Variants in PDZD2 observed in about 807,000 individuals in gnomAD.
PDZD2 encodes PDZ domain-containing protein 2.
A neutral mutation model predicts 220.7 loss-of-function variants in PDZD2; 90 were observed. The observed-to-expected ratio is 0.41, with a 90% CI of 0.34 to 0.49. The LOEUF is 0.49. Ranked by LOEUF, PDZD2 falls within the 20% of genes least tolerant of loss-of-function variation. The pLI is 0.28. For synonymous variants in PDZD2, 1,375 were observed against 1,450.5 expected (o/e 0.95, Z 1.18); for missense variants, 3,174 against 3,608.5 (o/e 0.88, Z 3.08).
chr5:31,983,214 T>G lies in PDZD2; in HGVS notation c.536T>G (p.Phe179Cys), dbSNP rs1345587102. Residue 179 changes from phenylalanine (F) to cysteine (C), a missense_variant, in exon 3 of 25, where the codon TTT becomes TGT. By Grantham distance (205) the Phe-to-Cys change is radical. Around this residue, in one of 4 missense-constraint regions of PDZD2, gnomAD observed 632 missense variants for 708.1 expected, o/e 0.89. Coordinates refer to ENST00000438447, the MANE Select transcript of PDZD2 (RefSeq NM_178140.4). ...ATCTACCTGATCATGCTGCGTCGCT[T>G]TAAGCACAAAGCCCACTCCACTTAT... ...GFIYLIMLRRFKHKAHSTYNG... is the reference protein window; with the variant it reads ...GFIYLIMLRRCKHKAHSTYNG... The G allele has an allele frequency of 6.2e-7, 1 of 1,614,148 alleles. No homozygotes were observed. Among genetic ancestry groups the G allele is most frequent in the Non-Finnish European group, 8.5e-7 (1 of 1,180,028 alleles).
At chr5:31,651,943 C>G in intron 1 of PDZD2, among the ~76,000 whole-genome samples, 1 of 151,482 alleles carries the variant, frequency 6.6e-6, no homozygotes, top group African/African-American at 2.4e-5. Flanking sequence ...TCTCAGCCTC[C>G]TGAATAGCTG....
intron 2 of PDZD2, among the ~76,000 whole-genome samples, chr5:31,850,034 ACAC>A (rs1345520599): frequency 0.033 from 4,060 of 124,244 alleles, 773 homozygotes; most frequent in African/African-American, 0.056. Context: ...ACTCATATAT[ACAC>A]GTATATATAT....
intron 19 of PDZD2, among the ~76,000 whole-genome samples, chr5:32,085,834 T>G (rs1418988557): frequency 6.6e-6 from 1 of 151,072 alleles, no homozygotes; most frequent in African/African-American, 2.4e-5. Context: ...CCTTTGTGGT[T>G]CCATGCACAT....
intron 1 of PDZD2, among the ~76,000 whole-genome samples, chr5:31,707,784 G>A (rs1747898382): frequency 6.6e-6 from 1 of 152,082 alleles, no homozygotes. Flanking sequence ...CCACCACCAT[G>A]ACCAGGTAAT....
Position 32,010,537 on chromosome 5 carries a change from T to C in PDZD2, c.1407+55T>C, listed in dbSNP as rs977782647. 7.5e-6 allele frequency: 10 copies of C among 1,327,848 alleles called. No individual in the cohort carries two copies. The African/African-American group carries it at 1.3e-4, about 17-fold the overall frequency. The allele number at this position is 1,327,848 out of a possible 1,614,324, so 82.3% of individuals were successfully genotyped here. A position where few individuals can be genotyped will look rare whatever the true frequency, so the allele number is the denominator to read the frequency against. On this transcript the variant is annotated intron_variant, in intron 6 of 24. Coordinates refer to ENST00000438447, the MANE Select transcript of PDZD2 (RefSeq NM_178140.4). Reference sequence around the variant, plus strand: ...TTGGAATTACTTTTTTCTGAAGTCCTGGGCGCCAGGATTAGGGGATAAATG... The same window carrying C: ...TTGGAATTACTTTTTTCTGAAGTCCCGGGCGCCAGGATTAGGGGATAAATG...
intron 3 of PDZD2, among the ~76,000 whole-genome samples, chr5:31,985,529 C>T (rs557586767): frequency 6.6e-5 from 10 of 151,990 alleles, no homozygotes; most frequent in African/African-American, 2.4e-4. Flanking sequence ...ACCAAAAATA[C>T]TAAAAATACA....
chr5:31,905,995 G>A (rs541803747), intron 2 of PDZD2, among the ~76,000 whole-genome samples: 1 of 150,592 alleles, frequency 6.6e-6, no homozygotes, highest in Non-Finnish European at 1.5e-5. Context: ...GTGAAATTGA[G>A]GTTATTTTAT....
intron 1 of PDZD2, among the ~76,000 whole-genome samples, chr5:31,738,116 A>G (rs1014708029): frequency 6.6e-6 from 1 of 152,202 alleles, no homozygotes; most frequent in Non-Finnish European, 1.5e-5. Context: ...GATCATGGGA[A>G]TTTTTCCCAG....
chr5:31,961,608 A>G (rs1234709473), intron 2 of PDZD2, among the ~76,000 whole-genome samples: 1 of 152,120 alleles, frequency 6.6e-6, no homozygotes, highest in Non-Finnish European at 1.5e-5. Context: ...AAGGAAGCTC[A>G]CTTTTCTTAT....
intron 1 of PDZD2, among the ~76,000 whole-genome samples, chr5:31,689,351 A>ATTTTTTTTTTCT (rs1288275783): frequency 0.025 from 697 of 28,114 alleles, 16 homozygotes; most frequent in Non-Finnish European, 0.03. Flanking sequence ...ATATATATAT[A>ATTTTTTTTTTCT]TATTTTTTTT....
intron 2 of PDZD2, among the ~76,000 whole-genome samples, chr5:31,869,932 C>A (rs958115691): frequency 6.6e-6 from 1 of 152,080 alleles, no homozygotes; most frequent in East Asian, 1.9e-4. Flanking sequence ...TGCTCAGGAG[C>A]CTCTCCGGCG....
chr5:31,812,810 G>T (rs946570015), intron 2 of PDZD2, among the ~76,000 whole-genome samples: 4 of 152,052 alleles, frequency 2.6e-5, no homozygotes, highest in African/African-American at 9.7e-5. Flanking sequence ...CAAATTCTTG[G>T]CCTCAAGGGA....
intron 2 of PDZD2, among the ~76,000 whole-genome samples, chr5:31,962,311 A>C (rs1274539613): frequency 6.6e-6 from 1 of 152,128 alleles, no homozygotes; most frequent in Non-Finnish European, 1.5e-5. Flanking sequence ...CTCAAACCCA[A>C]AGTACCTGGA....
chr5:31,946,071 C>T (rs556220557), intron 2 of PDZD2, among the ~76,000 whole-genome samples: 1 of 152,294 alleles, frequency 6.6e-6, no homozygotes, highest in African/African-American at 2.4e-5. Context: ...GGCACGATCC[C>T]GGCGCACTGC....
At chr5:31,984,760 G>A (rs544142928) in intron 3 of PDZD2, among the ~76,000 whole-genome samples, 6 of 152,220 alleles carry the variant, frequency 3.9e-5, no homozygotes, top group African/African-American at 1.4e-4. Flanking sequence ...TCTGGGAGGT[G>A]GAGGTTACAG....
At chr5:31,705,207 CACAT>C (rs1187952858) in intron 1 of PDZD2, among the ~76,000 whole-genome samples, 1,326 of 16,538 alleles carry the variant, frequency 0.08, 27 homozygotes, top group African/African-American at 0.34. Context: ...CACACACACA[CACAT>C]ACACACTCAC....
At chr5:31,940,928 C>T (rs1746158407) in intron 2 of PDZD2, among the ~76,000 whole-genome samples, 1 of 151,886 alleles carries the variant, frequency 6.6e-6, no homozygotes, top group South Asian at 2.1e-4. Context: ...AAAATTCTTA[C>T]AAACTCTCCT....
At chr5:31,910,211 T>G (rs1743044903) in intron 2 of PDZD2, among the ~76,000 whole-genome samples, 1 of 125,790 alleles carries the variant, frequency 7.9e-6, no homozygotes, top group Admixed American at 9.2e-5. Context: ...GCTCCAGAGT[T>G]CCTGCATTTT....
chr5:31,800,341 G>A (rs193285028), intron 2 of PDZD2, among the ~76,000 whole-genome samples: 46 of 152,288 alleles, frequency 3.0e-4, no homozygotes, highest in African/African-American at 1.1e-3. Flanking sequence ...TGTGCAGACG[G>A]TGCTCAGTTC....
Sources: allele counts gnomAD v4.1 joint callset (sites outside exome capture counted in the v4.1 genomes callset), GRCh38; gene constraint gnomAD v4.1.1; regional missense constraint gnomAD v4.1.1; transcripts MANE v1.5; gene names NCBI Gene and HGNC (gene_info 2026-07-23, HGNC 2026-07-21).